FCGRT: variants seen among roughly 807,000 people sequenced by gnomAD.
FCGRT encodes IgG receptor FcRn large subunit p51.
Under a neutral mutation model 35.7 loss-of-function variants are expected in FCGRT, and 13 were observed. The observed-to-expected ratio is 0.36, with a 90% CI of 0.24 to 0.58. FCGRT has a LOEUF of 0.58. Among genes scored for constraint, FCGRT ranks in the 20% least tolerant of loss-of-function variants. FCGRT has a pLI of 0.77. For synonymous variants in FCGRT, 233 were observed against 216.5 expected (o/e 1.08, Z -0.67); for missense variants, 455 against 474.9 (o/e 0.96, Z 0.39).
In FCGRT at chr19:49,526,110, C is replaced by T; in HGVS notation, c.1089C>T (p.Ala363=). The T allele has an allele frequency of 6.2e-7, 1 of 1,608,886 alleles. No individual in the cohort carries two copies. Among genetic ancestry groups the T allele is most frequent in the Non-Finnish European group, 8.5e-7 (1 of 1,175,400 alleles). Residue 363 remains alanine (A), a synonymous_variant, in exon 7 of 7, where the codon GCC becomes GCT. Coordinates refer to ENST00000221466, the MANE Select transcript of FCGRT (RefSeq NM_001136019.3). The part of the protein sequence containing the change: ...ADLKDVNVIP[A]TA ...TGAAGGATGTAAATGTGATTCCAGC[C>T]ACCGCCTGACCATCCGCCATTCCGA...
At chr19:49,521,427 G>A (rs1176212025) in intron 4 of FCGRT, among the ~76,000 whole-genome samples, 1 of 151,976 alleles carries the variant, frequency 6.6e-6, no homozygotes, top group Non-Finnish European at 1.5e-5. Context: ...AAAATTAGCT[G>A]GGCGTGGTGG....
At chr19:49,524,283 A>T (rs1419063442) in intron 4 of FCGRT, among the ~76,000 whole-genome samples, 13 of 152,200 alleles carry the variant, frequency 8.5e-5, no homozygotes. Context: ...TTGCGATTAC[A>T]GGCGTGAGCC....
chr19:49,525,664 G>A (rs1362679343), intron 6 of FCGRT, 91 bp downstream of exon 6: 1 of 874,150 alleles, frequency 1.1e-6, no homozygotes, highest in South Asian at 1.4e-5. Flanking sequence ...GACCCAGAGA[G>A]GGGGGACAGA....
Position 49,524,645 on chromosome 19 carries a change from G to A in FCGRT, c.740G>A (p.Gly247Asp), listed in dbSNP as rs1400495409. 1.2e-6 allele frequency: 2 copies of A among 1,608,056 alleles called. No homozygotes were observed. The highest frequency in any genetic ancestry group is 1.7e-6 in the Non-Finnish European group (2 of 1,180,008). The change falls in exon 5 of 7, where the codon GGT becomes GAT. Residue 247 changes from glycine (G) to aspartate (D), a missense_variant. Transcript: ENST00000221466. ...GGGCTGGCCGCTGGCACCGGCCAGG[G>A]TGACTTCGGCCCCAACAGTGACGGA... ...RNGLAAGTGQGDFGPNSDGSF... is the reference protein window; with the variant it reads ...RNGLAAGTGQDDFGPNSDGSF...
In FCGRT at chr19:49,516,065, C is replaced by A. The variant is rs141165082; in HGVS notation, c.601+1579C>A. The stretch of plus-strand genomic sequence containing the variant: ...TTGCACTGCCAGGCGCTGCTCTGGG[C>A]CTTGAGCAAAGAGGGAAGTGACACA... On this transcript the variant is annotated intron_variant, in intron 4 of 6. Coordinates refer to ENST00000221466, the MANE Select transcript of FCGRT (RefSeq NM_001136019.3). 1.2e-3 allele frequency: 479 copies of A among 406,048 alleles called. 1 individual carries two copies. The highest frequency in any genetic ancestry group is 8.3e-3 in the African/African-American group (399 of 47,944). 25.2% of individuals were successfully genotyped at this position (406,048 alleles called of 1,614,324 possible). A position where few individuals can be genotyped will look rare whatever the true frequency, so the allele number is the denominator to read the frequency against.
Position 49,525,487 on chromosome 19 carries a change from T to C in FCGRT, c.902T>C (p.Val301Ala), listed in dbSNP as rs766845001. 9.3e-6 allele frequency: 15 copies of C among 1,613,772 alleles called. No individual in the cohort carries two copies. Among genetic ancestry groups the C allele is most frequent in the Non-Finnish European group, 1.2e-5 (14 of 1,179,898 alleles). The part of the protein sequence containing the change: ...ESPAKSSVLV[V>A]GIVIGVLLLT... ...CCAGCCAAGTCCTCCGTGCTCGTGG[T>C]GGGAATCGTCATCGGTGTCTTGCTA... The change falls in exon 6 of 7, where the codon GTG (valine) becomes GCG (alanine). Residue 301 changes from valine to alanine, a missense_variant. Transcript: ENST00000221466.
chr19:49,523,611 A>G (rs1381651376), intron 4 of FCGRT, among the ~76,000 whole-genome samples: 2 of 150,936 alleles, frequency 1.3e-5, no homozygotes, highest in African/African-American at 4.9e-5. Context: ...CTGTAATCCC[A>G]ACACTTTGGG....
At chr19:49,525,663 AG>A in intron 6 of FCGRT, 90 bp downstream of exon 6, 4 of 851,584 alleles carry the variant, frequency 4.7e-6, no homozygotes, top group Non-Finnish European at 7.7e-6. Context: ...AGACCCAGAG[AG>A]GGGGGACAGA....
chr19:49,523,468 T>C (rs1451156307), intron 4 of FCGRT, among the ~76,000 whole-genome samples: 1 of 152,042 alleles, frequency 6.6e-6, no homozygotes, highest in East Asian at 1.9e-4. Flanking sequence ...CTCGGGAGGC[T>C]GTGGAAGAAG....
intron 5 of FCGRT, chr19:49,525,199 C>G (rs923536693): frequency 1.9e-6 from 1 of 524,446 alleles, no homozygotes; most frequent in African/African-American, 1.9e-5. Context: ...CTGCCTCTCC[C>G]CACTGCACTG....
chr19:49,513,960 G>C lies in FCGRT; in HGVS notation c.152G>C (p.Gly51Ala). 3 of 1,613,946 alleles carry C rather than the reference G, an allele frequency of 1.9e-6. No homozygotes were observed. Among genetic ancestry groups the C allele is most frequent in the Non-Finnish European group, 2.5e-6 (3 of 1,179,974 alleles). The change falls in exon 3 of 7, where the codon GGC becomes GCC. Residue 51 changes from glycine (G) to alanine (A), a missense_variant. Physicochemically the swap from Gly to Ala is moderately conservative, Grantham distance 60. This residue lies in a region of FCGRT where 136 missense variants were observed against 158.9 expected (regional missense o/e 0.86). Transcript: ENST00000221466. ...GGGACTCCTGCCTTCTGGGTGTCCG[G>C]CTGGCTGGGCCCGCAGCAGTACCTG... ...APGTPAFWVSGWLGPQQYLSY... is the reference protein window; with the variant it reads ...APGTPAFWVSAWLGPQQYLSY...
At chr19:49,513,353 G>T in intron 1 of FCGRT, 34 bp from the exon 2 acceptor site, 1 of 1,028,574 alleles carries the variant, frequency 9.7e-7, no homozygotes, top group Non-Finnish European at 1.3e-6. Flanking sequence ...CGGGCCGGGG[G>T]TCGGGAGGAG....
At position 49,514,145 on chromosome 19, in the gene FCGRT, G is replaced by A; in HGVS notation, c.325+12G>A. On this transcript the variant is annotated intron_variant, in intron 3 of 6. Coordinates refer to ENST00000221466, the MANE Select transcript of FCGRT (RefSeq NM_001136019.3). ...TTTGGGGGGAAAAGGTGAGATTCCG[G>A]TCTGGAGGGGCAAGGGGCCGGGTCC... 2 of 1,612,858 alleles carry A rather than the reference G, an allele frequency of 1.2e-6. No homozygotes were observed. The highest frequency in any genetic ancestry group is 1.7e-6 in the Non-Finnish European group (2 of 1,179,410).
Position 49,525,529 on chromosome 19 carries a change from TAGG to T in FCGRT, c.950_952del (p.Gly317del). 2 of 1,613,424 alleles carry T rather than the reference TAGG, an allele frequency of 1.2e-6. No individual in the cohort carries two copies. The highest frequency in any genetic ancestry group is 1.7e-5 in the Admixed American group (1 of 59,978). ...GTCTTGCTACTCACGGCAGCGGCTG[TAGG>T]AGGAGCTCTGTTGTGGAGAAGGATG... On this transcript the variant is annotated inframe_deletion, in exon 6 of 7. Transcript: ENST00000221466.
intron 5 of FCGRT, 120 bp downstream of exon 5, chr19:49,524,896 C>T (rs1359510595): frequency 1.9e-6 from 2 of 1,047,170 alleles, no homozygotes; most frequent in East Asian, 2.6e-5. Flanking sequence ...ATCTGACTGC[C>T]TTGAACCTCA....
In FCGRT at chr19:49,513,332, G is replaced by C. The variant is rs2079984651; in HGVS notation, c.-14-55G>C. ...TCCCGGCCGTGCCCGCGGTGTCCCGGGAGGAAGGGGCGGGCCGGGGGTCGG... is the reference window on the plus strand; with the variant it reads ...TCCCGGCCGTGCCCGCGGTGTCCCGCGAGGAAGGGGCGGGCCGGGGGTCGG... On this transcript the variant is annotated intron_variant, in intron 1 of 6. Transcript: ENST00000221466. The C allele has an allele frequency of 3.2e-6, 3 of 931,626 alleles. No individual in the cohort carries two copies. In the South Asian group the frequency reaches 1.7e-4, roughly 52 times the overall value. 57.7% of individuals were successfully genotyped at this position (931,626 alleles called of 1,614,324 possible). A position where few individuals can be genotyped will look rare whatever the true frequency, so the allele number is the denominator to read the frequency against.
At chr19:49,516,312 G>C in intron 4 of FCGRT, 1 of 354,316 alleles carries the variant, frequency 2.8e-6, no homozygotes, top group South Asian at 2.1e-5. Flanking sequence ...GCGCGATCTC[G>C]GCTCACTGCA....
chr19:49,522,879 G>A (rs1432891392), intron 4 of FCGRT, among the ~76,000 whole-genome samples: 4 of 142,620 alleles, frequency 2.8e-5, no homozygotes, highest in East Asian at 2.1e-4. Context: ...CCGGGTTCAC[G>A]CCATTCTCCT....
intron 4 of FCGRT, 28 bp downstream of exon 4, chr19:49,514,514 TTC>T: frequency 6.6e-7 from 1 of 1,521,300 alleles, no homozygotes; most frequent in East Asian, 2.3e-5. Flanking sequence ...CCGCAGGCTG[TTC>T]TGTCCTCTCT....
Sources: gnomAD v4.1 joint callset for allele counts (sites outside exome capture counted in the v4.1 genomes callset) on GRCh38, gnomAD v4.1.1 for gene constraint, gnomAD v4.1.1 regional missense constraint, MANE v1.5 for transcripts, NCBI Gene and HGNC (gene_info 2026-07-23, HGNC 2026-07-21) for gene names.